Variants in ANKS1A observed in about 807,000 individuals in gnomAD.
ANKS1A encodes ankyrin repeat and SAM domain-containing protein 1A.
ANKS1A carries 55 observed loss-of-function variants against 120.3 expected under a neutral mutation model. The observed-to-expected ratio is 0.46, with a 90% CI of 0.37 to 0.57. The LOEUF is 0.57. Ranked by LOEUF, ANKS1A falls within the 20% of genes least tolerant of loss-of-function variation. The pLI is 0.00. For synonymous variants in ANKS1A, 590 were observed against 604.7 expected (o/e 0.98, Z 0.36); for missense variants, 1,123 against 1,480.3 (o/e 0.76, Z 3.96).
At chr6:34,955,551 G>A (rs1473394690) in intron 1 of ANKS1A, among the ~76,000 whole-genome samples, 3 of 152,064 alleles carry the variant, frequency 2.0e-5, no homozygotes, top group Non-Finnish European at 2.9e-5. Flanking sequence ...TGTTGGTTTC[G>A]TTTCCTTCTG....
intron 3 of ANKS1A, among the ~76,000 whole-genome samples, chr6:34,975,913 G>A (rs1395584325): frequency 6.6e-6 from 1 of 151,890 alleles, no homozygotes; most frequent in Admixed American, 6.6e-5. Context: ...TGAGGCTGGC[G>A]GATTACTTGA....
chr6:35,024,400 A>AC (rs1413118212), intron 11 of ANKS1A, among the ~76,000 whole-genome samples: 1 of 152,236 alleles, frequency 6.6e-6, no homozygotes, highest in Non-Finnish European at 1.5e-5. Flanking sequence ...GAAAGAGAAA[A>AC]CCACAGAAGG....
chr6:35,086,977 A>C lies in ANKS1A; in HGVS notation c.3329A>C (p.Asp1110Ala). The change falls in exon 23 of 24, where the codon GAT becomes GCT. Residue 1110 changes from aspartate to alanine, a missense_variant. Coordinates refer to ENST00000360359, the MANE Select transcript of ANKS1A (RefSeq NM_015245.3). The surrounding 1 kb of genome is among the most constrained non-coding windows in gnomAD (Gnocchi z 5.1). ...CTGGAACCACCTGATATGGACCAAG[A>C]TGCCCAATCCCATGCCAGTGTCTCC... is the stretch of plus-strand genomic sequence containing the variant. ...SALEPPDMDQ[D>A]AQSHASVSWV... The C allele has an allele frequency of 1.9e-6, 3 of 1,614,166 alleles. No homozygotes were observed. Among genetic ancestry groups the C allele is most frequent in the Non-Finnish European group, 2.5e-6 (3 of 1,180,002 alleles).
At chr6:35,080,206 G>A (rs1329729313) in intron 16 of ANKS1A, among the ~76,000 whole-genome samples, 1 of 151,006 alleles carries the variant, frequency 6.6e-6, no homozygotes, top group Non-Finnish European at 1.5e-5. Flanking sequence ...ACAGGGAGGG[G>A]CCGAGTCAGG....
At chr6:34,998,431 G>A (rs1183766340) in intron 10 of ANKS1A, among the ~76,000 whole-genome samples, 1 of 152,132 alleles carries the variant, frequency 6.6e-6, no homozygotes, top group Non-Finnish European at 1.5e-5. Context: ...ACTAAAGGCA[G>A]GTAGCCTGGC....
At position 35,059,875 on chromosome 6, in the gene ANKS1A, C is replaced by T. The variant is rs551884983; in HGVS notation, c.2078-272C>T. On this transcript the variant is annotated intron_variant, in intron 12 of 23. Coordinates refer to ENST00000360359, the MANE Select transcript of ANKS1A (RefSeq NM_015245.3). ...TGGGCAGAGATCATGCATGTGCAGC[C>T]GTGGCCCTGGAGCAGCTCAGACCTG... Among the ~76,000 whole-genome samples, 134 of 152,312 alleles carry T rather than the reference C, an allele frequency of 8.8e-4. 1 individual carries two copies. The highest frequency in any genetic ancestry group is 3.0e-3 in the African/African-American group (124 of 41,572).
Position 35,087,120 on chromosome 6 carries a change from G to C in ANKS1A, c.3401+71G>C, listed in dbSNP as rs183547354. On this transcript the variant is annotated intron_variant, in intron 23 of 23. Transcript: ENST00000360359. ...TAGTCTCACTGTGCCTTTGCCATCCGATCTTTCTGCTGTCCTCAACTCTCT... is the reference window on the plus strand; with the variant it reads ...TAGTCTCACTGTGCCTTTGCCATCCCATCTTTCTGCTGTCCTCAACTCTCT... 2.5e-5 allele frequency: 36 copies of C among 1,462,256 alleles called. No homozygotes were observed. In the African/African-American group the frequency reaches 3.7e-4, roughly 15 times the overall value. 90.6% of individuals were successfully genotyped at this position (1,462,256 alleles called of 1,614,324 possible). A position where few individuals can be genotyped will look rare whatever the true frequency, so the allele number is the denominator to read the frequency against.
intron 2 of ANKS1A, 101 bp downstream of exon 2, chr6:34,967,420 G>T: frequency 8.7e-7 from 1 of 1,144,660 alleles, no homozygotes; most frequent in South Asian, 1.4e-5. Flanking sequence ...GAGCTTAGTG[G>T]CTCATGCCTG....
intron 11 of ANKS1A, among the ~76,000 whole-genome samples, chr6:35,029,349 C>CTTTT (rs776256932): frequency 2.8e-5 from 3 of 105,760 alleles, no homozygotes; most frequent in South Asian, 3.1e-4. Flanking sequence ...ATGACTTCTG[C>CTTTT]TTTTTTTTTT....
intron 1 of ANKS1A, among the ~76,000 whole-genome samples, chr6:34,930,154 T>TA (rs1768913522): frequency 6.6e-6 from 1 of 152,238 alleles, no homozygotes; most frequent in Non-Finnish European, 1.5e-5. Context: ...TTTTCACATC[T>TA]AATGGGATCA....
At chr6:34,962,558 C>T (rs1770692351) in intron 1 of ANKS1A, among the ~76,000 whole-genome samples, 1 of 152,090 alleles carries the variant, frequency 6.6e-6, no homozygotes, top group Admixed American at 6.5e-5. Context: ...GAGGCCAAGG[C>T]AGGCAAATCA....
intron 1 of ANKS1A, among the ~76,000 whole-genome samples, chr6:34,892,348 A>T (rs1766864647): frequency 6.6e-6 from 1 of 152,180 alleles, no homozygotes; most frequent in Admixed American, 6.5e-5. Context: ...AGTGAAGGGT[A>T]GGTTACCTCT....
At chr6:35,072,235 C>T (rs962988641) in intron 13 of ANKS1A, among the ~76,000 whole-genome samples, 5 of 152,262 alleles carry the variant, frequency 3.3e-5, no homozygotes, top group Non-Finnish European at 5.9e-5. Context: ...GCCGCTTCTC[C>T]TGCCTCCTGC....
intron 10 of ANKS1A, chr6:35,009,981 C>T (rs1252624434): frequency 8.6e-6 from 2 of 231,664 alleles, no homozygotes; most frequent in African/African-American, 5.6e-5. Context: ...CAAAACAGAA[C>T]TTAGCCTGGG....
chr6:35,091,246 T>C lies in ANKS1A; in HGVS notation c.*2637T>C, dbSNP rs980073398. ...GATTTTGTCTGAATTATAAACACTT[T>C]GAGGTACCAAACATAACCAATCTGT... On this transcript the variant is annotated 3_prime_UTR_variant, in exon 24 of 24. Transcript: ENST00000360359. The C allele has an allele frequency of 9.7e-5, 96 of 985,904 alleles. No individual in the cohort carries two copies. The highest frequency in any genetic ancestry group is 2.3e-4 in the East Asian group (2 of 8,822). The allele number at this position is 985,904 out of a possible 1,614,324, so 61.1% of individuals were successfully genotyped here. A position where few individuals can be genotyped will look rare whatever the true frequency, so the allele number is the denominator to read the frequency against.
intron 10 of ANKS1A, among the ~76,000 whole-genome samples, chr6:35,004,451 C>T (rs998289752): frequency 6.6e-6 from 1 of 151,580 alleles, no homozygotes; most frequent in Non-Finnish European, 1.5e-5. Flanking sequence ...AGCAAGACCC[C>T]CATCTCTAAA....
chr6:35,009,579 G>A (rs1020474136), intron 10 of ANKS1A, among the ~76,000 whole-genome samples: 2 of 152,064 alleles, frequency 1.3e-5, no homozygotes, highest in Admixed American at 6.6e-5. Flanking sequence ...AGATTTAGGA[G>A]TCATCCAAGT....
chr6:34,975,910 G>A (rs1025683446), intron 3 of ANKS1A, among the ~76,000 whole-genome samples: 1 of 152,038 alleles, frequency 6.6e-6, no homozygotes, highest in Non-Finnish European at 1.5e-5. Context: ...GGCTGAGGCT[G>A]GCGGATTACT....
intron 11 of ANKS1A, among the ~76,000 whole-genome samples, chr6:35,039,888 G>A (rs559624939): frequency 7.2e-5 from 11 of 152,364 alleles, no homozygotes; most frequent in South Asian, 2.1e-4. Flanking sequence ...GGAAGTCCAA[G>A]ATCATGGTGC....
Sources: gnomAD v4.1 joint callset for allele counts (sites outside exome capture counted in the v4.1 genomes callset) on GRCh38, gnomAD v4.1.1 for gene constraint, Gnocchi (gnomAD v3.1) non-coding constraint, MANE v1.5 for transcripts, NCBI Gene and HGNC (gene_info 2026-07-23, HGNC 2026-07-21) for gene names.